Variants in RELN observed in about 807,000 individuals in gnomAD.
The protein encoded by RELN is reelin.
RELN carries 108 observed loss-of-function variants against 427.6 expected under a neutral mutation model. That is an observed-to-expected ratio of 0.25 (90% CI 0.22 to 0.30). The LOEUF (loss-of-function observed/expected upper bound fraction) is 0.30, where lower values mean the gene tolerates loss of function less well. Ranked by LOEUF, RELN falls within the 10% of genes least tolerant of loss-of-function variation. RELN has a pLI of 1.00. For synonymous variants in RELN, 1,524 were observed against 1,513.4 expected (o/e 1.01, Z -0.16); for missense variants, 3,715 against 4,302.8 (o/e 0.86, Z 3.82).
At chr7:103,622,072 C>T (rs919623669) in intron 20 of RELN, among the ~76,000 whole-genome samples, 1 of 152,088 alleles carries the variant, frequency 6.6e-6, no homozygotes, top group Non-Finnish European at 1.5e-5. Context: ...TTTCAACAAA[C>T]CAGAAAGAAG....
intron 6 of RELN, among the ~76,000 whole-genome samples, chr7:103,732,586 C>T (rs2299378): frequency 0.41 from 61,700 of 151,934 alleles, 13,291 homozygotes; most frequent in Non-Finnish European, 0.49. Context: ...GTGGTCATGG[C>T]TTCCAAGAAG....
intron 1 of RELN, among the ~76,000 whole-genome samples, chr7:103,920,616 C>T (rs545295891): frequency 1.4e-5 from 2 of 142,686 alleles, no homozygotes; most frequent in Non-Finnish European, 3.0e-5. Context: ...CTCTCTTACC[C>T]AGGCTGGAGT....
intron 3 of RELN, among the ~76,000 whole-genome samples, chr7:103,779,232 G>A (rs989195858): frequency 3.9e-5 from 6 of 152,002 alleles, no homozygotes; most frequent in East Asian, 3.9e-4. Context: ...CAACCAAACC[G>A]TCTAGGCTTT....
chr7:103,602,249 G>T (rs935973575), intron 24 of RELN, among the ~76,000 whole-genome samples: 2 of 152,108 alleles, frequency 1.3e-5, no homozygotes, highest in African/African-American at 4.8e-5. Context: ...TTTACAGATG[G>T]GGAAGCTAAA....
intron 6 of RELN, among the ~76,000 whole-genome samples, chr7:103,733,580 C>T (rs1226645316): frequency 1.4e-5 from 2 of 146,162 alleles, no homozygotes; most frequent in Non-Finnish European, 3.0e-5. Context: ...GAAAATGTGG[C>T]ACATATACAC....
chr7:103,779,174 G>C (rs1791823264), intron 3 of RELN, among the ~76,000 whole-genome samples: 2 of 151,996 alleles, frequency 1.3e-5, no homozygotes, highest in Admixed American at 6.5e-5. Context: ...CTCCATGAGA[G>C]TCAAGAGAAG....
rs530830927 is a variant in RELN at position 103,947,923 on chromosome 7, T to G, written c.227-30738A>C. ...TTCACATTGATATGGATTTTTAGCA[T>G]GAAATGATCTTTTTCCTTTTTTAAA... On this transcript the variant is annotated intron_variant, in intron 1 of 64. Coordinates refer to ENST00000428762, the MANE Select transcript of RELN (RefSeq NM_005045.4). Among the ~76,000 whole-genome samples the G allele has an allele frequency of 2.6e-5, 4 of 152,360 alleles. No individual in the cohort carries two copies. The South Asian group carries it at 8.3e-4, about 32-fold the overall frequency.
chr7:103,557,106 T>A lies in RELN; in HGVS notation c.5668A>T (p.Ile1890Phe). 1 of 1,613,652 alleles carries A rather than the reference T, an allele frequency of 6.2e-7. No homozygotes were observed. Among genetic ancestry groups the A allele is most frequent in the Admixed American group, 1.7e-5 (1 of 60,018 alleles). The part of the protein sequence containing the change: ...ILLQFSISGG[I>F]TWHLMDEFYF... ...AATTCATCCATCAGGTGCCAAGTGA[T>A]TCCTCCACTGATGGAGAATTGTAAC... Residue 1890 changes from isoleucine (I) to phenylalanine (F), a missense_variant, in exon 38 of 65, where the codon ATC (isoleucine) becomes TTC (phenylalanine). This residue lies in a region of RELN where 2,208 missense variants were observed against 2,361.7 expected (regional missense o/e 0.93). Coordinates refer to ENST00000428762, the MANE Select transcript of RELN (RefSeq NM_005045.4).
In RELN at chr7:103,497,808, CCT is replaced by C. The variant is rs755141406; in HGVS notation, c.8950+10_8950+11del. 3 of 1,612,188 alleles carry C rather than the reference CCT, an allele frequency of 1.9e-6. No homozygotes were observed. Among genetic ancestry groups the C allele is most frequent in the South Asian group, 1.1e-5 (1 of 91,028 alleles). On this transcript the variant is annotated intron_variant, in intron 55 of 64. Coordinates refer to ENST00000428762, the MANE Select transcript of RELN (RefSeq NM_005045.4). Reference sequence around the variant, plus strand: ...TCTGCTCCAAGGGGTGGTTTTCACCCCTGACACATGCCTCCATCGGTAGAGTA... The same window carrying C: ...TCTGCTCCAAGGGGTGGTTTTCACCCGACACATGCCTCCATCGGTAGAGTA...
intron 1 of RELN, among the ~76,000 whole-genome samples, chr7:103,934,344 A>G (rs1228034812): frequency 1.3e-5 from 2 of 152,128 alleles, no homozygotes; most frequent in African/African-American, 4.8e-5. Context: ...CCTGCCAGAC[A>G]CATTATTTCT....
intron 3 of RELN, 138 bp from the exon 4 acceptor site, chr7:103,776,765 G>A: frequency 1.1e-6 from 1 of 873,120 alleles, no homozygotes; most frequent in Non-Finnish European, 1.8e-6. Flanking sequence ...TCAGAAGAGT[G>A]ATATAAATAA....
At chr7:103,867,015 G>A (rs1271976849) in intron 2 of RELN, among the ~76,000 whole-genome samples, 1 of 152,080 alleles carries the variant, frequency 6.6e-6, no homozygotes, top group Non-Finnish European at 1.5e-5. Flanking sequence ...AAATGTAGCT[G>A]TACTGTTTAA....
At chr7:103,709,127 AC>A (rs1789724047) in intron 8 of RELN, among the ~76,000 whole-genome samples, 1 of 152,044 alleles carries the variant, frequency 6.6e-6, no homozygotes, top group African/African-American at 2.4e-5. Flanking sequence ...ATACAATAAT[AC>A]TATTATTATT....
At chr7:103,653,113 T>C (rs1351865263) in intron 13 of RELN, among the ~76,000 whole-genome samples, 2 of 152,060 alleles carry the variant, frequency 1.3e-5, no homozygotes. Flanking sequence ...TTATACTTTA[T>C]CATCAGTCCT....
intron 16 of RELN, among the ~76,000 whole-genome samples, chr7:103,647,813 C>G (rs1368144163): frequency 6.6e-6 from 1 of 152,014 alleles, no homozygotes; most frequent in Non-Finnish European, 1.5e-5. Context: ...TACTACAAGA[C>G]TATAGTAAAC....
rs1261381850 is a variant in RELN, at chr7:103,573,140, T to C, written c.4512-880A>G. On this transcript the variant is annotated intron_variant, in intron 30 of 64. Coordinates refer to ENST00000428762, the MANE Select transcript of RELN (RefSeq NM_005045.4). This position sits in a 1 kb window ranked among gnomAD's most constrained non-coding sequence, Gnocchi z 4.4. ...TTTCAGTAGAGACAGGGTTTTGCCATGTTGGCCAGGAGCTGGTCTTGAATT... is the reference window on the plus strand; with the variant it reads ...TTTCAGTAGAGACAGGGTTTTGCCACGTTGGCCAGGAGCTGGTCTTGAATT... Among the ~76,000 whole-genome samples the C allele has an allele frequency of 6.6e-6, 1 of 152,240 alleles. No individual in the cohort carries two copies. Among genetic ancestry groups the C allele is most frequent in the East Asian group, 1.9e-4 (1 of 5,196 alleles).
intron 2 of RELN, among the ~76,000 whole-genome samples, chr7:103,864,799 C>A (rs1794155315): frequency 1.3e-5 from 2 of 151,714 alleles, no homozygotes; most frequent in South Asian, 4.2e-4. Context: ...AATGGACAAA[C>A]CCTTAGCCAG....
intron 62 of RELN, 146 bp from the exon 63 acceptor site, chr7:103,483,117 T>A (rs1404915725): frequency 2.6e-5 from 19 of 724,258 alleles, no homozygotes. Context: ...TAGGTCATAG[T>A]ATTCTTCTGA....
intron 3 of RELN, among the ~76,000 whole-genome samples, chr7:103,818,521 A>T (rs1229358927): frequency 6.6e-6 from 1 of 152,184 alleles, no homozygotes. Flanking sequence ...TGGCCTTGAT[A>T]CAAAAATCAT....
Sources: allele counts gnomAD v4.1 joint callset (sites outside exome capture counted in the v4.1 genomes callset), GRCh38; gene constraint gnomAD v4.1.1; regional missense constraint gnomAD v4.1.1; non-coding constraint Gnocchi (gnomAD v3.1); transcripts MANE v1.5; gene names NCBI Gene and HGNC (gene_info 2026-07-23, HGNC 2026-07-21).